The following MYO1E variants were observed in gnomAD, a reference collection of about 807,000 sequenced individuals.
MYO1E encodes unconventional myosin-Ie.
In MYO1E, 68 loss-of-function variants were observed where a neutral mutation model predicts 151.1. That is an observed-to-expected ratio of 0.45 (90% CI 0.37 to 0.55). MYO1E has a LOEUF of 0.55. MYO1E is among the 20% of genes least tolerant of loss of function. The pLI, the probability that MYO1E is intolerant of heterozygous loss-of-function variation, is 0.00. For synonymous variants in MYO1E, 601 were observed against 501.7 expected, an observed-to-expected ratio of 1.20 and a Z score of -2.64; for missense variants, 1,363 against 1,389.3, an observed-to-expected ratio of 0.98 and a Z score of 0.30.
chr15:59,236,556 G>A lies in MYO1E; in HGVS notation c.420+29C>T, dbSNP rs780907135. 2.6e-6 allele frequency: 4 copies of A among 1,548,612 alleles called. No individual in the cohort carries two copies. The Admixed American group carries it at 5.0e-5, about 19-fold the overall frequency. On this transcript the variant is annotated intron_variant, in intron 5 of 27. Transcript: ENST00000288235. Reference sequence around the variant, plus strand: ...GCCTCTTACATTTCCCATAACATAAGGTATCATAATGGGCCACTGCCCACT... The same window carrying A: ...GCCTCTTACATTTCCCATAACATAAAGTATCATAATGGGCCACTGCCCACT...
At chr15:59,143,292 G>C (rs984473530) in intron 26 of MYO1E, among the ~76,000 whole-genome samples, 1 of 152,176 alleles carries the variant, frequency 6.6e-6, no homozygotes, top group African/African-American at 2.4e-5. Context: ...GGGAGGCCAG[G>C]GCAGCTTTGA....
chr15:59,257,407 G>A (rs1203853426), intron 3 of MYO1E, among the ~76,000 whole-genome samples: 2 of 152,088 alleles, frequency 1.3e-5, no homozygotes, highest in Non-Finnish European at 2.9e-5. Context: ...GTTGGAGGAC[G>A]CAGTGAGCTA....
intron 4 of MYO1E, among the ~76,000 whole-genome samples, chr15:59,255,426 ACT>A (rs1401428476): frequency 2.0e-5 from 3 of 151,122 alleles, no homozygotes; most frequent in African/African-American, 7.3e-5. Context: ...ATGGAGTCTC[ACT>A]CTGTCACTCA....
chr15:59,142,085 A>C (rs1390831615), intron 26 of MYO1E, among the ~76,000 whole-genome samples: 1 of 152,040 alleles, frequency 6.6e-6, no homozygotes, highest in Non-Finnish European at 1.5e-5. Flanking sequence ...CCAGCCTGGG[A>C]AACGGAGTGA....
At chr15:59,220,138 A>C (rs1185887576) in intron 9 of MYO1E, among the ~76,000 whole-genome samples, 1 of 152,228 alleles carries the variant, frequency 6.6e-6, no homozygotes, top group Non-Finnish European at 1.5e-5. Context: ...CATTAGTCTA[A>C]GGTCAGGTAA....
chr15:59,233,661 T>TAAAAAAAAAAAAAAA, intron 5 of MYO1E, among the ~76,000 whole-genome samples: 1 of 78,376 alleles, frequency 1.3e-5, no homozygotes, highest in South Asian at 5.7e-4. Flanking sequence ...AGACTCCGTC[T>TAAAAAAAAAAAAAAA]AAAAAAAAAA....
intron 1 of MYO1E, among the ~76,000 whole-genome samples, chr15:59,288,777 T>C (rs1230974881): frequency 2.6e-5 from 4 of 152,148 alleles, no homozygotes; most frequent in African/African-American, 7.2e-5. Context: ...GTGAGTCAAT[T>C]TGAATATGGG....
chr15:59,237,159 A>G (rs906138805), intron 4 of MYO1E, among the ~76,000 whole-genome samples: 3 of 152,264 alleles, frequency 2.0e-5, no homozygotes, highest in Non-Finnish European at 4.4e-5. Flanking sequence ...GCTTTGGTCA[A>G]GCCAGAGACT....
chr15:59,143,249 G>C (rs993968267), intron 26 of MYO1E, among the ~76,000 whole-genome samples: 5 of 152,204 alleles, frequency 3.3e-5, no homozygotes, highest in African/African-American at 1.2e-4. Flanking sequence ...TAGGCTGAAT[G>C]GGGTTCCTAG....
At chr15:59,257,261 A>G (rs550396682) in intron 3 of MYO1E, among the ~76,000 whole-genome samples, 2 of 152,296 alleles carry the variant, frequency 1.3e-5, no homozygotes, top group African/African-American at 4.8e-5. Flanking sequence ...GCTGAGGCAG[A>G]AGAGTTGTTT....
chr15:59,316,939 T>G (rs990538994), intron 1 of MYO1E, among the ~76,000 whole-genome samples: 6 of 152,204 alleles, frequency 3.9e-5, no homozygotes, highest in African/African-American at 1.2e-4. Flanking sequence ...CATGGTCTTA[T>G]CAGCAGCAGA....
At chr15:59,176,349 TGC>T (rs2079624712) in intron 19 of MYO1E, among the ~76,000 whole-genome samples, 1 of 152,168 alleles carries the variant, frequency 6.6e-6, no homozygotes, top group Non-Finnish European at 1.5e-5. Flanking sequence ...CGTGAGCCAC[TGC>T]GCGCGGTTAT....
At chr15:59,264,649 G>A (rs1596390820) in intron 2 of MYO1E, among the ~76,000 whole-genome samples, 1 of 152,310 alleles carries the variant, frequency 6.6e-6, no homozygotes, top group South Asian at 2.1e-4. Flanking sequence ...ATTCTCTGAT[G>A]CTTTGCATAC....
chr15:59,229,148 TG>T (rs1566985999), intron 6 of MYO1E, among the ~76,000 whole-genome samples: 2 of 152,104 alleles, frequency 1.3e-5, no homozygotes, highest in East Asian at 1.9e-4. Context: ...CCTCAACAGT[TG>T]AGGGAAAATG....
intron 10 of MYO1E, among the ~76,000 whole-genome samples, chr15:59,215,283 T>C (rs1239534408): frequency 6.6e-6 from 1 of 152,234 alleles, no homozygotes; most frequent in East Asian, 1.9e-4. Context: ...CATTCACCTT[T>C]GCCAGGGTTT....
At chr15:59,168,982 AAATT>A (rs1252045621) in intron 22 of MYO1E, among the ~76,000 whole-genome samples, 6 of 152,230 alleles carry the variant, frequency 3.9e-5, no homozygotes, top group Admixed American at 6.5e-5. Flanking sequence ...CTTTATATTA[AAATT>A]AACCACAAAA....
intron 26 of MYO1E, among the ~76,000 whole-genome samples, chr15:59,142,050 T>G (rs2079413247): frequency 2.0e-5 from 3 of 151,204 alleles, no homozygotes; most frequent in African/African-American, 7.3e-5. Context: ...GAGCTTGCAG[T>G]GAGCCGAGAG....
chr15:59,372,732 T>A lies in MYO1E; in HGVS notation c.-232A>T. On this transcript the variant is annotated 5_prime_UTR_variant, in exon 1 of 28. Transcript: ENST00000288235. The stretch of plus-strand genomic sequence containing the variant: ...GCGACTTAGCAGGCGGGGCGCATGC[T>A]GCGGAGGGCAAGAGTCCACTCGTAC... The A allele has an allele frequency of 5.2e-6, 3 of 576,942 alleles. No individual in the cohort carries two copies. Among genetic ancestry groups the A allele is most frequent in the Non-Finnish European group, 9.1e-6 (3 of 329,900 alleles). 35.7% of individuals were successfully genotyped at this position (576,942 alleles called of 1,614,324 possible).
chr15:59,244,810 T>C (rs2080120145), intron 4 of MYO1E, among the ~76,000 whole-genome samples: 1 of 152,190 alleles, frequency 6.6e-6, no homozygotes, highest in African/African-American at 2.4e-5. Context: ...TGAAAAATGA[T>C]ACAATTAAAA....
Sources: gnomAD v4.1 joint callset for allele counts (sites outside exome capture counted in the v4.1 genomes callset) on GRCh38, gnomAD v4.1.1 for gene constraint, MANE v1.5 for transcripts, NCBI Gene and HGNC (gene_info 2026-07-23, HGNC 2026-07-21) for gene names.